Variants in TNNI3K observed in about 807,000 individuals in gnomAD.
The protein encoded by TNNI3K is TNNI3 interacting kinase, also known as serine/threonine-protein kinase TNNI3K.
A neutral mutation model predicts 114.5 loss-of-function variants in TNNI3K; 140 were observed. The observed-to-expected ratio is 1.22, with a 90% confidence interval of 1.07 to 1.41. TNNI3K has a LOEUF of 1.41. Among genes scored for constraint, TNNI3K ranks in the 40% most tolerant of loss-of-function variants. TNNI3K has a pLI of 0.00. For synonymous variants in TNNI3K, 347 were observed against 347.5 expected (o/e 1.00, Z 0.02); for missense variants, 1,125 against 1,007.6 (o/e 1.12, Z -1.58).
chr1:74,468,958 T>G (rs1472484982), intron 21 of TNNI3K: 1 of 152,182 alleles, frequency 6.6e-6, no homozygotes, highest in Non-Finnish European at 1.5e-5. Flanking sequence ...TTAAATTTAA[T>G]ATTTATATTC....
intron 23 of TNNI3K, among the ~76,000 whole-genome samples, chr1:74,515,434 G>C (rs951112044): frequency 2.6e-5 from 4 of 152,122 alleles, no homozygotes; most frequent in African/African-American, 9.7e-5. Flanking sequence ...CCAAAGTTAA[G>C]GTGAAATTCT....
At chr1:74,331,286 A>G (rs1469948313) in intron 5 of TNNI3K, among the ~76,000 whole-genome samples, 164 bp from the exon 6 acceptor site, 4 of 152,210 alleles carry the variant, frequency 2.6e-5, no homozygotes, top group Non-Finnish European at 5.9e-5. Flanking sequence ...TTTATCTTTC[A>G]TAAAAAAACA....
chr1:74,405,227 G>A (rs1664557981), intron 17 of TNNI3K, among the ~76,000 whole-genome samples: 1 of 152,028 alleles, frequency 6.6e-6, no homozygotes, highest in South Asian at 2.1e-4. Flanking sequence ...TAGAGACGGG[G>A]GAGCATATAC....
At chr1:74,498,313 C>A (rs1669438972) in intron 23 of TNNI3K, among the ~76,000 whole-genome samples, 1 of 152,154 alleles carries the variant, frequency 6.6e-6, no homozygotes, top group Non-Finnish European at 1.5e-5. Flanking sequence ...AGCGTAATCA[C>A]TATGTCATGA....
chr1:74,238,171 C>A (rs1653975188), intron 2 of TNNI3K, among the ~76,000 whole-genome samples: 1 of 151,956 alleles, frequency 6.6e-6, no homozygotes, highest in African/African-American at 2.4e-5. Context: ...AAAATAATGT[C>A]TTCACCATAT....
At chr1:74,432,875 C>T (rs1665960874) in intron 17 of TNNI3K, among the ~76,000 whole-genome samples, 1 of 151,964 alleles carries the variant, frequency 6.6e-6, no homozygotes, top group African/African-American at 2.4e-5. Context: ...GTTTTGGAGA[C>T]TGAATCCTGG....
intron 5 of TNNI3K, among the ~76,000 whole-genome samples, chr1:74,314,055 A>G (rs1480995679): frequency 4.9e-5 from 2 of 40,904 alleles, no homozygotes; most frequent in Admixed American, 2.4e-4. Context: ...TTATATATAT[A>G]TATATATATA....
At chr1:74,493,979 C>A (rs1669206193) in intron 23 of TNNI3K, among the ~76,000 whole-genome samples, 1 of 152,104 alleles carries the variant, frequency 6.6e-6, no homozygotes, top group South Asian at 2.1e-4. Flanking sequence ...GGTCATAGTT[C>A]ATTAATATAA....
At chr1:74,304,616 T>A (rs561212) in intron 5 of TNNI3K, among the ~76,000 whole-genome samples, 149,463 of 150,846 alleles carry the variant, frequency 0.99, 74,063 homozygotes, top group Non-Finnish European at 1. Flanking sequence ...CTAATTTTTA[T>A]TTTTTTTTTA....
chr1:74,502,966 C>T (rs985703729), intron 23 of TNNI3K, among the ~76,000 whole-genome samples: 88 of 152,338 alleles, frequency 5.8e-4, no homozygotes, highest in African/African-American at 2.0e-3. Context: ...CTTCTAGGAA[C>T]TTAACTGAAG....
chr1:74,458,134 C>T (rs1667304231), intron 20 of TNNI3K, among the ~76,000 whole-genome samples: 1 of 152,128 alleles, frequency 6.6e-6, no homozygotes, highest in Admixed American at 6.6e-5. Context: ...GTGCCTGGAG[C>T]TCCATGTATA....
chr1:74,453,329 A>G (rs1667102317), intron 20 of TNNI3K, among the ~76,000 whole-genome samples: 1 of 152,192 alleles, frequency 6.6e-6, no homozygotes, highest in Non-Finnish European at 1.5e-5. Context: ...TCAAAGTTGG[A>G]CAGTTACCAT....
At chr1:74,263,313 T>C (rs1655786455) in intron 4 of TNNI3K, among the ~76,000 whole-genome samples, 1 of 152,076 alleles carries the variant, frequency 6.6e-6, no homozygotes, top group African/African-American at 2.4e-5. Flanking sequence ...TATATTTCCA[T>C]TCCTCTTGTA....
At chr1:74,371,114 T>A (rs1248475237) in intron 17 of TNNI3K, 1 of 151,840 alleles carries the variant, frequency 6.6e-6, no homozygotes, top group Non-Finnish European at 1.5e-5. Flanking sequence ...CTGATTTAGT[T>A]TATGAAGCAA....
intron 11 of TNNI3K, among the ~76,000 whole-genome samples, chr1:74,355,332 G>A (rs1416723136): frequency 1.3e-5 from 2 of 152,106 alleles, no homozygotes; most frequent in South Asian, 2.1e-4. Flanking sequence ...TGGGCCAGGC[G>A]CGGTGGCTCA....
intron 11 of TNNI3K, among the ~76,000 whole-genome samples, chr1:74,365,264 A>G (rs1662208582): frequency 6.6e-6 from 1 of 152,094 alleles, no homozygotes; most frequent in Non-Finnish European, 1.5e-5. Context: ...CCTTTAACTA[A>G]TTAAAATGCT....
chr1:74,340,918 T>TA (rs1234448081), intron 7 of TNNI3K, among the ~76,000 whole-genome samples: 3 of 152,070 alleles, frequency 2.0e-5, no homozygotes, highest in Non-Finnish European at 2.9e-5. Context: ...TGCTCATTAA[T>TA]AAAAAAAGAT....
intron 22 of TNNI3K, among the ~76,000 whole-genome samples, chr1:74,489,692 C>G (rs1380633387): frequency 1.3e-5 from 2 of 152,102 alleles, no homozygotes; most frequent in Non-Finnish European, 2.9e-5. Flanking sequence ...TTTCACACCA[C>G]ATATATGTTG....
At chr1:74,313,949 T>G (rs1424928765) in intron 5 of TNNI3K, among the ~76,000 whole-genome samples, 12 of 151,338 alleles carry the variant, frequency 7.9e-5, no homozygotes, top group Non-Finnish European at 1.5e-5. Context: ...AATTTTAACC[T>G]CTGATAAGAC....
Sources: allele counts gnomAD v4.1 joint callset (sites outside exome capture counted in the v4.1 genomes callset), GRCh38; gene constraint gnomAD v4.1.1; transcripts MANE v1.5; gene names NCBI Gene and HGNC (gene_info 2026-07-23, HGNC 2026-07-21).